Variants in TTC7B observed in about 807,000 individuals in gnomAD.
The protein encoded by TTC7B is tetratricopeptide repeat protein 7B.
A neutral mutation model predicts 106.8 loss-of-function variants in TTC7B; 28 were observed. The ratio of observed to expected loss-of-function variants is 0.26; its 90% CI spans 0.19 to 0.36. TTC7B has a LOEUF of 0.36. Among genes scored for constraint, TTC7B ranks in the 10% least tolerant of loss-of-function variants. The probability of loss-of-function intolerance (pLI) is 1.00; values close to 1 mark genes in which losing one functional copy is unlikely to be tolerated. For synonymous variants in TTC7B, 405 were observed against 430.6 expected, an observed-to-expected ratio of 0.94 and a Z score of 0.74; for missense variants, 862 against 1,076.4, an observed-to-expected ratio of 0.80 and a Z score of 2.79.
intron 9 of TTC7B, among the ~76,000 whole-genome samples, chr14:90,673,883 A>G (rs1236135989): frequency 6.6e-6 from 1 of 152,192 alleles, no homozygotes; most frequent in Non-Finnish European, 1.5e-5. Flanking sequence ...ACCCCAAATC[A>G]GTATCCATAG....
At chr14:90,547,728 C>T (rs1172509339) in intron 19 of TTC7B, among the ~76,000 whole-genome samples, 1 of 152,002 alleles carries the variant, frequency 6.6e-6, no homozygotes, top group African/African-American at 2.4e-5. Flanking sequence ...GCCTGGGAGG[C>T]GGAGGTTGCA....
chr14:90,541,097 C>G lies in TTC7B; in HGVS notation c.*271G>C, dbSNP rs1889557701. 1 of 400,692 alleles carries G rather than the reference C, an allele frequency of 2.5e-6. No individual in the cohort carries two copies. The highest frequency in any genetic ancestry group is 4.4e-6 in the Non-Finnish European group (1 of 226,164). 24.8% of individuals were successfully genotyped at this position (400,692 alleles called of 1,614,324 possible). On this transcript the variant is annotated 3_prime_UTR_variant, in exon 20 of 20. Transcript: ENST00000328459. ...TTCCATAATCATTTTACTGAAAACT[C>G]AGATGTCAACTAACAAAATATGGCA...
At chr14:90,731,726 C>T (rs189991102) in intron 4 of TTC7B, among the ~76,000 whole-genome samples, 1 of 152,098 alleles carries the variant, frequency 6.6e-6, no homozygotes, top group African/African-American at 2.4e-5. Flanking sequence ...GCGGCACCAT[C>T]GGAGCCACAC....
intron 3 of TTC7B, among the ~76,000 whole-genome samples, chr14:90,746,748 C>T (rs1394440288): frequency 6.6e-6 from 1 of 152,220 alleles, no homozygotes; most frequent in African/African-American, 2.4e-5. Flanking sequence ...TAGCAGCATC[C>T]TACAAATTTT....
chr14:90,552,457 C>T (rs988816001), intron 19 of TTC7B, among the ~76,000 whole-genome samples: 5 of 152,234 alleles, frequency 3.3e-5, no homozygotes, highest in East Asian at 3.8e-4. Context: ...CAGCAGGTGG[C>T]CGGAGCCTGC....
At chr14:90,601,347 T>C (rs61987021) in intron 17 of TTC7B, among the ~76,000 whole-genome samples, 15,665 of 152,198 alleles carry the variant, frequency 0.1, 885 homozygotes, top group African/African-American at 0.12. Flanking sequence ...ATATACATTC[T>C]TGAGTGTTAG....
intron 1 of TTC7B, among the ~76,000 whole-genome samples, chr14:90,794,849 A>T (rs1891720491): frequency 6.6e-6 from 1 of 152,190 alleles, no homozygotes; most frequent in African/African-American, 2.4e-5. Context: ...ATCAAGAGTC[A>T]GGCCAAAGAA....
intron 2 of TTC7B, among the ~76,000 whole-genome samples, chr14:90,781,842 TC>T (rs1891228986): frequency 6.6e-6 from 1 of 151,950 alleles, no homozygotes; most frequent in Non-Finnish European, 1.5e-5. Context: ...GCCTGGCCAG[TC>T]CCCCTCTCCC....
Position 90,576,282 on chromosome 14 carries a change from G to C in TTC7B, c.2310+1824C>G, listed in dbSNP as rs61987001. 1.2e-3 allele frequency among the ~76,000 whole-genome samples: 181 copies of C among 152,122 alleles called. 1 individual carries two copies. Among genetic ancestry groups the C allele is most frequent in the Non-Finnish European group, 1.7e-3 (113 of 67,998 alleles). ...TCTAGATGCTCTCAGCAAAAGCACA[G>C]AGATCTGACAAGCTCTTTACAAATT... On this transcript the variant is annotated intron_variant, in intron 19 of 19. Coordinates refer to ENST00000328459, the MANE Select transcript of TTC7B (RefSeq NM_001010854.2).
chr14:90,683,002 G>A (rs1364895601), intron 7 of TTC7B, among the ~76,000 whole-genome samples: 2 of 152,092 alleles, frequency 1.3e-5, no homozygotes, highest in African/African-American at 2.4e-5. Flanking sequence ...ATCTTGCCAG[G>A]GCTCCCACAT....
rs1889241697 is a variant in TTC7B at position 90,529,908 on chromosome 14, C to G, written c.*11460G>C. The G allele has an allele frequency of 1.3e-5, 2 of 152,134 alleles. No homozygotes were observed. The allele number at this position is 152,134 out of a possible 1,614,324, so 9.4% of individuals were successfully genotyped here. ...AGTTATCTAGAAAGATTTTTACTGA[C>G]AAGAGAATATTAAGTGAAAAGATCC... On this transcript the variant is annotated 3_prime_UTR_variant, in exon 20 of 20. Transcript: ENST00000328459.
At chr14:90,668,034 T>G (rs1595263543) in intron 9 of TTC7B, among the ~76,000 whole-genome samples, 1 of 152,022 alleles carries the variant, frequency 6.6e-6, no homozygotes, top group Admixed American at 6.6e-5. Flanking sequence ...CACAAGTAAC[T>G]TCTTCTTCAT....
At chr14:90,555,243 G>T (rs927833845) in intron 19 of TTC7B, among the ~76,000 whole-genome samples, 16 of 152,188 alleles carry the variant, frequency 1.1e-4, no homozygotes, top group African/African-American at 3.6e-4. Context: ...ACACCAACCT[G>T]GGGGAGAAGC....
intron 3 of TTC7B, among the ~76,000 whole-genome samples, chr14:90,756,702 G>C (rs1035588896): frequency 6.6e-6 from 1 of 152,034 alleles, no homozygotes; most frequent in East Asian, 1.9e-4. Flanking sequence ...GCCGAGAAAT[G>C]TTTTCAAAAC....
chr14:90,616,452 C>A lies in TTC7B; in HGVS notation c.1868+1477G>T, dbSNP rs114419451. ...CCTTTCACCAAGCGAAGGGCGGGTGCGCCCAGCAGCACAGCGCCGCGCCGC... is the reference window on the plus strand; with the variant it reads ...CCTTTCACCAAGCGAAGGGCGGGTGAGCCCAGCAGCACAGCGCCGCGCCGC... On this transcript the variant is annotated intron_variant, in intron 16 of 19. Coordinates refer to ENST00000328459, the MANE Select transcript of TTC7B (RefSeq NM_001010854.2). 9.6e-3 allele frequency among the ~76,000 whole-genome samples: 1,461 copies of A among 152,154 alleles called. 18 individuals are homozygous for A. The highest frequency in any genetic ancestry group is 0.033 in the African/African-American group (1,386 of 41,504).
intron 19 of TTC7B, among the ~76,000 whole-genome samples, chr14:90,554,331 T>C (rs1890210990): frequency 6.6e-6 from 1 of 152,258 alleles, no homozygotes; most frequent in East Asian, 1.9e-4. Context: ...GGACCAGCCA[T>C]CCTATTTGAC....
intron 5 of TTC7B, among the ~76,000 whole-genome samples, chr14:90,719,277 A>C (rs1039984458): frequency 2.0e-5 from 3 of 152,206 alleles, no homozygotes; most frequent in Non-Finnish European, 2.9e-5. Flanking sequence ...CTGCCTCAAA[A>C]AAACAAACAA....
rs1890425395 is a variant in TTC7B, at chr14:90,759,396, G to A, written c.446-14474C>T. ...CTAGGAGTTTTAAAATATAAAACAC[G>A]AGTCTGGCCTAGGTGATGTCTTACA... On this transcript the variant is annotated intron_variant, in intron 3 of 19. Transcript: ENST00000328459. The surrounding 1 kb of genome is among the most constrained non-coding windows in gnomAD (Gnocchi z 4.1). 6.6e-6 allele frequency among the ~76,000 whole-genome samples: 1 copy of A among 152,190 alleles called. No homozygotes were observed. Among genetic ancestry groups the A allele is most frequent in the Non-Finnish European group, 1.5e-5 (1 of 68,028 alleles).
At chr14:90,643,222 C>T (rs1885260689) in intron 15 of TTC7B, among the ~76,000 whole-genome samples, 1 of 152,040 alleles carries the variant, frequency 6.6e-6, no homozygotes, top group Non-Finnish European at 1.5e-5. Flanking sequence ...GCCTGACCAA[C>T]ATGGTGAAAC....
Sources: allele counts gnomAD v4.1 joint callset (sites outside exome capture counted in the v4.1 genomes callset), GRCh38; gene constraint gnomAD v4.1.1; non-coding constraint Gnocchi (gnomAD v3.1); transcripts MANE v1.5; gene names NCBI Gene and HGNC (gene_info 2026-07-23, HGNC 2026-07-21).